The following PDE4D variants were observed in gnomAD, a reference collection of about 807,000 sequenced individuals.
The protein encoded by PDE4D is 3',5'-cyclic-AMP phosphodiesterase 4D.
Under a neutral mutation model 87.4 loss-of-function variants are expected in PDE4D, and 24 were observed. The observed-to-expected ratio is 0.27, with a 90% confidence interval of 0.20 to 0.39. The LOEUF (loss-of-function observed/expected upper bound fraction) is 0.39. Among genes scored for constraint, PDE4D ranks in the 10% least tolerant of loss-of-function variants. PDE4D has a pLI of 1.00. For missense variants in PDE4D, 714 were observed against 1,041.0 expected, an observed-to-expected ratio of 0.69 and a Z score of 4.32; for synonymous variants, 384 against 383.2, an observed-to-expected ratio of 1.00 and a Z score of -0.02.
chr5:59,670,967 C>T (rs2031315926), intron 1 of PDE4D, among the ~76,000 whole-genome samples: 1 of 152,142 alleles, frequency 6.6e-6, no homozygotes, highest in African/African-American at 2.4e-5. Context: ...TTACAACCAG[C>T]CCATGCTAAT....
At chr5:59,688,916 C>T (rs1165828137) in intron 1 of PDE4D, among the ~76,000 whole-genome samples, 2 of 152,246 alleles carry the variant, frequency 1.3e-5, no homozygotes, top group African/African-American at 4.8e-5. Context: ...GAAATACAAA[C>T]TACTATCAGA....
intron 1 of PDE4D, among the ~76,000 whole-genome samples, chr5:60,252,399 C>CTT (rs749772318): frequency 0.4 from 55,435 of 137,180 alleles, 11,545 homozygotes; most frequent in Admixed American, 0.46. Flanking sequence ...CACTTTTTTA[C>CTT]TTTTTTTTTT....
intron 1 of PDE4D, among the ~76,000 whole-genome samples, chr5:59,454,699 TAGA>T (rs1397824206): frequency 1.3e-5 from 2 of 152,128 alleles, no homozygotes; most frequent in African/African-American, 4.8e-5. Context: ...TAGGAGGGCT[TAGA>T]AGAAGACAGG....
At chr5:60,075,211 A>C (rs1181553355) in intron 2 of PDE4D, among the ~76,000 whole-genome samples, 2 of 152,228 alleles carry the variant, frequency 1.3e-5, no homozygotes, top group African/African-American at 4.8e-5. Context: ...GTCTATGATA[A>C]GGAATTCCCT....
chr5:60,454,173 G>A (rs1332324126), intron 1 of PDE4D, among the ~76,000 whole-genome samples: 1 of 152,012 alleles, frequency 6.6e-6, no homozygotes, highest in Admixed American at 6.6e-5. Flanking sequence ...CTTTGACTTC[G>A]GACTTCACAC....
chr5:59,993,521 G>A (rs1168026855), intron 2 of PDE4D, among the ~76,000 whole-genome samples: 1 of 152,024 alleles, frequency 6.6e-6, no homozygotes, highest in Non-Finnish European at 1.5e-5. Flanking sequence ...ATTATAGAGT[G>A]CTCCCATTTT....
At chr5:59,216,941 C>T in intron 1 of PDE4D, 1 of 198,708 alleles carries the variant, frequency 5.0e-6, no homozygotes. Flanking sequence ...ACCCGGTCTC[C>T]ATTCCTAGAT....
chr5:60,343,841 A>G (rs1758513067), intron 1 of PDE4D, among the ~76,000 whole-genome samples: 1 of 152,062 alleles, frequency 6.6e-6, no homozygotes, highest in Non-Finnish European at 1.5e-5. Context: ...TCAAATTAGA[A>G]TTAGTGGATG....
chr5:59,733,043 C>A (rs1757598260), intron 1 of PDE4D, among the ~76,000 whole-genome samples: 1 of 152,048 alleles, frequency 6.6e-6, no homozygotes, highest in Non-Finnish European at 1.5e-5. Context: ...ATGGAGAATT[C>A]AAAATGAATA....
intron 2 of PDE4D, among the ~76,000 whole-genome samples, chr5:60,099,465 A>T (rs1776016228): frequency 6.6e-6 from 1 of 151,942 alleles, no homozygotes; most frequent in Admixed American, 6.6e-5. Context: ...GTTAAGGCAA[A>T]TGATAAATGT....
chr5:59,423,733 A>C (rs1794801096), intron 1 of PDE4D, among the ~76,000 whole-genome samples: 1 of 152,088 alleles, frequency 6.6e-6, no homozygotes, highest in Non-Finnish European at 1.5e-5. Context: ...CCTAAAATAC[A>C]CAGTATACAT....
intron 5 of PDE4D, among the ~76,000 whole-genome samples, chr5:59,134,028 G>C (rs1343133527): frequency 6.7e-6 from 1 of 149,394 alleles, no homozygotes; most frequent in Non-Finnish European, 1.5e-5. Flanking sequence ...GCTCTGACAA[G>C]CTTAGTAATG....
intron 5 of PDE4D, among the ~76,000 whole-genome samples, chr5:59,165,890 A>G (rs1781853141): frequency 6.6e-6 from 1 of 152,150 alleles, no homozygotes; most frequent in South Asian, 2.1e-4. Context: ...AAATAATGAC[A>G]AAGAAACTAA....
intron 6 of PDE4D, among the ~76,000 whole-genome samples, chr5:59,035,662 A>G (rs1188954683): frequency 6.6e-6 from 1 of 152,202 alleles, no homozygotes; most frequent in East Asian, 1.9e-4. Flanking sequence ...TGCCCATTGT[A>G]TGCTAAGGAA....
At chr5:59,179,086 A>G (rs973165410) in intron 5 of PDE4D, among the ~76,000 whole-genome samples, 7 of 152,286 alleles carry the variant, frequency 4.6e-5, no homozygotes, top group Middle Eastern at 3.4e-3. Context: ...TTTAGCATAT[A>G]GGAATTGTTA....
At chr5:59,196,679 A>G (rs1225316448) in intron 2 of PDE4D, among the ~76,000 whole-genome samples, 2 of 152,192 alleles carry the variant, frequency 1.3e-5, no homozygotes, top group Non-Finnish European at 2.9e-5. Flanking sequence ...TTTGAAGCCA[A>G]ACATTCTTGG....
At chr5:59,829,462 C>T (rs7731666) in intron 1 of PDE4D, among the ~76,000 whole-genome samples, 34,207 of 151,806 alleles carry the variant, frequency 0.23, 4,599 homozygotes, top group African/African-American at 0.37. Context: ...GTGTGGGGGG[C>T]TGGCAGCTCC....
intron 2 of PDE4D, among the ~76,000 whole-genome samples, chr5:60,019,744 T>G (rs1002125402): frequency 6.6e-5 from 10 of 152,304 alleles, no homozygotes; most frequent in African/African-American, 2.4e-4. Flanking sequence ...GTGGCTGGTT[T>G]GAACCTTCTG....
chr5:59,582,124 G>A (rs1824263546), intron 1 of PDE4D, among the ~76,000 whole-genome samples: 1 of 152,142 alleles, frequency 6.6e-6, no homozygotes, highest in Admixed American at 6.5e-5. Flanking sequence ...CCCAGAGGAA[G>A]AGATGTTAAA....
Sources: gnomAD v4.1 joint callset for allele counts (sites outside exome capture counted in the v4.1 genomes callset) on GRCh38, gnomAD v4.1.1 for gene constraint, MANE v1.5 for transcripts, NCBI Gene and HGNC (gene_info 2026-07-23, HGNC 2026-07-21) for gene names.